The following ZBTB16 variants were observed in gnomAD, a reference collection of about 807,000 sequenced individuals.
ZBTB16 encodes zinc finger and BTB domain containing 16.
ZBTB16 carries 8 observed loss-of-function variants against 56.8 expected under a neutral mutation model. The observed-to-expected ratio is 0.14, with a 90% CI of 0.08 to 0.25. The LOEUF (loss-of-function observed/expected upper bound fraction) is 0.25, where lower values mean the gene tolerates loss of function less well. Among genes scored for constraint, ZBTB16 ranks in the 10% least tolerant of loss-of-function variants. The pLI is 1.00. For missense variants in ZBTB16, 625 were observed against 903.0 expected, an observed-to-expected ratio of 0.69 and a Z score of 3.95; for synonymous variants, 363 against 368.5, an observed-to-expected ratio of 0.98 and a Z score of 0.17.
At chr11:114,135,990 A>T (rs1318481848) in intron 2 of ZBTB16, among the ~76,000 whole-genome samples, 2 of 152,110 alleles carry the variant, frequency 1.3e-5, no homozygotes, top group Non-Finnish European at 2.9e-5. Context: ...CTTGTGGGGG[A>T]GATTCCTTTT....
At chr11:114,137,489 C>T (rs1941829212) in intron 2 of ZBTB16, among the ~76,000 whole-genome samples, 1 of 152,154 alleles carries the variant, frequency 6.6e-6, no homozygotes, top group Non-Finnish European at 1.5e-5. Flanking sequence ...GTTGGGTATA[C>T]CAAAGTGACA....
At chr11:114,108,247 CA>C (rs1940869916) in intron 2 of ZBTB16, among the ~76,000 whole-genome samples, 1 of 152,118 alleles carries the variant, frequency 6.6e-6, no homozygotes, top group Admixed American at 6.5e-5. Context: ...GCTGAGTGTG[CA>C]GAATGTTTCC....
intron 1 of ZBTB16, chr11:114,061,264 C>G (rs2137645044): frequency 6.6e-6 from 1 of 152,184 alleles, no homozygotes; most frequent in Middle Eastern, 3.4e-3. Flanking sequence ...GGGCGCCGAG[C>G]GGCGGGTGGG....
intron 4 of ZBTB16, among the ~76,000 whole-genome samples, chr11:114,190,719 CCT>C (rs1462678023): frequency 1.5e-5 from 2 of 135,988 alleles, no homozygotes; most frequent in Non-Finnish European, 3.1e-5. Flanking sequence ...ACTCATGCCA[CCT>C]CTCTCTCATA....
chr11:114,229,128 T>G (rs1048001017), intron 4 of ZBTB16, among the ~76,000 whole-genome samples: 1 of 152,208 alleles, frequency 6.6e-6, no homozygotes, highest in African/African-American at 2.4e-5. Context: ...TGTGTCTCAT[T>G]CTGGGCACTA....
At chr11:114,235,624 C>CCCTCCCTT (rs1944549948) in intron 4 of ZBTB16, among the ~76,000 whole-genome samples, 2 of 125,156 alleles carry the variant, frequency 1.6e-5, no homozygotes, top group African/African-American at 6.1e-5. Context: ...CTTTCCCTCT[C>CCCTCCCTT]CCTTCCTTTC....
At chr11:114,091,731 C>T (rs758036041) in intron 2 of ZBTB16, among the ~76,000 whole-genome samples, 3 of 151,682 alleles carry the variant, frequency 2.0e-5, no homozygotes, top group Admixed American at 1.3e-4. Context: ...CCTCTGTATG[C>T]GGCGACTGAG....
intron 4 of ZBTB16, among the ~76,000 whole-genome samples, chr11:114,195,337 A>G (rs1943580214): frequency 6.6e-6 from 1 of 152,156 alleles, no homozygotes; most frequent in Non-Finnish European, 1.5e-5. Flanking sequence ...GACCCAGAGC[A>G]GCCACCTATT....
intron 2 of ZBTB16, among the ~76,000 whole-genome samples, chr11:114,102,711 A>C (rs375226121): frequency 2.6e-5 from 4 of 152,296 alleles, no homozygotes; most frequent in Admixed American, 6.5e-5. Flanking sequence ...TGGTTTAATA[A>C]GAGCTGAACA....
chr11:114,149,893 T>C lies in ZBTB16; in HGVS notation c.1269-6444T>C, dbSNP rs528465323. Among the ~76,000 whole-genome samples, 32 of 152,332 alleles carry C rather than the reference T, an allele frequency of 2.1e-4. No homozygotes were observed. In the East Asian group the frequency reaches 6.2e-3, roughly 29 times the overall value. ...TCCAGGCAGTCCCATGGCTAGATTT[T>C]AGTGGTTAGGTATCCCTTTGTCTTA... On this transcript the variant is annotated intron_variant, in intron 2 of 6. Transcript: ENST00000335953.
intron 4 of ZBTB16, among the ~76,000 whole-genome samples, chr11:114,223,550 A>G (rs1394270968): frequency 2.0e-5 from 3 of 152,180 alleles, no homozygotes; most frequent in African/African-American, 7.2e-5. Flanking sequence ...TAATGTATTT[A>G]TTTGTTTATT....
intron 4 of ZBTB16, among the ~76,000 whole-genome samples, chr11:114,199,401 G>T (rs1468972504): frequency 6.6e-6 from 1 of 152,206 alleles, no homozygotes; most frequent in Non-Finnish European, 1.5e-5. Context: ...GGACGGGGAT[G>T]CTGGACATGG....
intron 2 of ZBTB16, among the ~76,000 whole-genome samples, chr11:114,122,420 T>A (rs1289085157): frequency 6.6e-6 from 1 of 152,228 alleles, no homozygotes; most frequent in African/African-American, 2.4e-5. Flanking sequence ...GGCTTGGCTC[T>A]TAAAGATCAC....
chr11:114,209,148 C>A (rs1943947818), intron 4 of ZBTB16, among the ~76,000 whole-genome samples: 1 of 152,164 alleles, frequency 6.6e-6, no homozygotes, highest in South Asian at 2.1e-4. Context: ...CGACTTGCAT[C>A]ATGGATGCAG....
chr11:114,169,074 C>G (rs1942880339), intron 3 of ZBTB16, among the ~76,000 whole-genome samples: 1 of 152,006 alleles, frequency 6.6e-6, no homozygotes, highest in Non-Finnish European at 1.5e-5. Flanking sequence ...CTCCTTTGCA[C>G]TATCCTGCCA....
chr11:114,176,460 C>T (rs1424906837), intron 3 of ZBTB16, among the ~76,000 whole-genome samples: 1 of 152,212 alleles, frequency 6.6e-6, no homozygotes, highest in Admixed American at 6.5e-5. Flanking sequence ...CCCAGCCTGA[C>T]TCTGGCTAAT....
At chr11:114,062,423 T>C (rs1395179413) in intron 1 of ZBTB16, among the ~76,000 whole-genome samples, 1 of 152,234 alleles carries the variant, frequency 6.6e-6, no homozygotes, top group Non-Finnish European at 1.5e-5. Context: ...TTTCTGTCTG[T>C]CTCTGGCTGG....
At chr11:114,175,899 G>A (rs543562629) in intron 3 of ZBTB16, among the ~76,000 whole-genome samples, 18 of 152,120 alleles carry the variant, frequency 1.2e-4, no homozygotes, top group African/African-American at 4.3e-4. Context: ...CTTGGATCCC[G>A]GCCACCACCC....
At chr11:114,155,689 G>C (rs1308290782) in intron 2 of ZBTB16, among the ~76,000 whole-genome samples, 2 of 152,222 alleles carry the variant, frequency 1.3e-5, no homozygotes, top group Non-Finnish European at 2.9e-5. Flanking sequence ...TTTCTGTTGG[G>C]GCAAGACAGA....
Sources: gnomAD v4.1 joint callset for allele counts (sites outside exome capture counted in the v4.1 genomes callset) on GRCh38, gnomAD v4.1.1 for gene constraint, MANE v1.5 for transcripts, NCBI Gene and HGNC (gene_info 2026-07-23, HGNC 2026-07-21) for gene names.